Variants in GRIP1 observed in about 807,000 individuals in gnomAD.
The protein encoded by GRIP1 is glutamate receptor-interacting protein 1.
A neutral mutation model predicts 129.9 loss-of-function variants in GRIP1; 45 were observed. The observed-to-expected ratio is 0.35, with a 90% confidence interval of 0.27 to 0.44. GRIP1 has a LOEUF of 0.44. GRIP1 is among the 20% of genes least tolerant of loss of function. The pLI is 1.00. For missense variants in GRIP1, 1,196 were observed against 1,396.8 expected (o/e 0.86, Z 2.29); for synonymous variants, 530 against 520.8 (o/e 1.02, Z -0.24).
At chr12:66,741,440 C>T (rs1315607504) in intron 1 of GRIP1, among the ~76,000 whole-genome samples, 3 of 152,216 alleles carry the variant, frequency 2.0e-5, no homozygotes, top group African/African-American at 7.2e-5. Flanking sequence ...AAAGTAAGAT[C>T]GGCATTCAGA....
chr12:67,006,044 T>C (rs563648849), intron 1 of GRIP1, among the ~76,000 whole-genome samples: 51 of 152,260 alleles, frequency 3.3e-4, no homozygotes, highest in African/African-American at 8.9e-4. Context: ...AAGGTGAGGA[T>C]TGGATTAGGT....
intron 1 of GRIP1, among the ~76,000 whole-genome samples, chr12:66,677,938 C>T (rs981567439): frequency 6.6e-6 from 1 of 152,080 alleles, no homozygotes; most frequent in African/African-American, 2.4e-5. Flanking sequence ...CTCTATATTA[C>T]AGGCTGAAAA....
chr12:66,945,774 G>A (rs4913515), intron 1 of GRIP1, among the ~76,000 whole-genome samples: 37,746 of 152,042 alleles, frequency 0.25, 4,808 homozygotes, highest in East Asian at 0.3. Context: ...AGGTGTCCTC[G>A]TCAACCATGG....
chr12:66,744,826 G>C (rs1176202345), intron 1 of GRIP1, among the ~76,000 whole-genome samples: 1 of 152,070 alleles, frequency 6.6e-6, no homozygotes, highest in Non-Finnish European at 1.5e-5. Context: ...TTTATACACA[G>C]AAATCTTACT....
At chr12:66,903,711 G>A (rs1471663240) in intron 1 of GRIP1, among the ~76,000 whole-genome samples, 1 of 151,990 alleles carries the variant, frequency 6.6e-6, no homozygotes, top group Non-Finnish European at 1.5e-5. Context: ...GACACAGAAG[G>A]GCTTAAATCT....
At chr12:66,639,105 T>C (rs2031686708) in intron 1 of GRIP1, among the ~76,000 whole-genome samples, 1 of 152,206 alleles carries the variant, frequency 6.6e-6, no homozygotes, top group African/African-American at 2.4e-5. Flanking sequence ...TATACATATA[T>C]ACATATGTGT....
chr12:66,966,426 A>G (rs1223508920), intron 1 of GRIP1, among the ~76,000 whole-genome samples: 1 of 152,146 alleles, frequency 6.6e-6, no homozygotes, highest in Non-Finnish European at 1.5e-5. Flanking sequence ...CCCTATTACT[A>G]CACGTTCTAA....
At chr12:66,787,746 G>C (rs1281258918) in intron 1 of GRIP1, among the ~76,000 whole-genome samples, 1 of 152,114 alleles carries the variant, frequency 6.6e-6, no homozygotes, top group East Asian at 1.9e-4. Context: ...CCAGAACTAT[G>C]AGAAATACAT....
intron 14 of GRIP1, among the ~76,000 whole-genome samples, chr12:66,426,171 G>C (rs1311029194): frequency 6.6e-6 from 1 of 151,916 alleles, no homozygotes. Flanking sequence ...CACAGGTATG[G>C]ACCCACCATT....
chr12:66,614,104 T>G (rs1227210486), intron 1 of GRIP1, among the ~76,000 whole-genome samples: 1 of 152,080 alleles, frequency 6.6e-6, no homozygotes, highest in Non-Finnish European at 1.5e-5. Context: ...TTTCTCCTCT[T>G]CCTTTTTCAG....
chr12:66,706,523 C>G (rs1265930571), intron 1 of GRIP1, among the ~76,000 whole-genome samples: 4 of 152,034 alleles, frequency 2.6e-5, no homozygotes, highest in Non-Finnish European at 5.9e-5. Flanking sequence ...TGGGTATATA[C>G]CCAAAGGAAT....
upstream of GRIP1, among the ~76,000 whole-genome samples, chr12:66,808,003 T>C (rs2039029593): frequency 6.6e-6 from 1 of 151,570 alleles, no homozygotes; most frequent in Admixed American, 6.6e-5. Context: ...CTAACTGTTG[T>C]TTAACAATTG....
At chr12:66,679,077 G>C, upstream of GRIP1, 1 of 1,508,742 alleles carries the variant, frequency 6.6e-7, no homozygotes, top group Non-Finnish European at 8.9e-7. Context: ...CATGTCATCT[G>C]GCAAATCTGT....
intron 1 of GRIP1, among the ~76,000 whole-genome samples, chr12:66,781,802 A>T (rs1052805882): frequency 1.3e-5 from 2 of 152,192 alleles, no homozygotes; most frequent in African/African-American, 4.8e-5. Context: ...ACAGATAATC[A>T]GAAACCTTCT....
chr12:66,696,374 C>G (rs767237420), intron 1 of GRIP1, among the ~76,000 whole-genome samples: 8 of 151,908 alleles, frequency 5.3e-5, no homozygotes, highest in Non-Finnish European at 1.2e-4. Flanking sequence ...TTATTAAGGA[C>G]AGTGTAACAA....
intron 5 of GRIP1, among the ~76,000 whole-genome samples, chr12:66,522,367 T>TGCTGCTCTACAGCCACC (rs2061045533): frequency 6.6e-6 from 1 of 152,210 alleles, no homozygotes; most frequent in Non-Finnish European, 1.5e-5. Flanking sequence ...CTACAGCCAC[T>TGCTGCTCTACAGCCACC]GCTGTTCTAC....
chr12:66,551,406 G>A (rs1179083544), intron 2 of GRIP1, among the ~76,000 whole-genome samples: 2 of 152,206 alleles, frequency 1.3e-5, no homozygotes, highest in Non-Finnish European at 2.9e-5. Flanking sequence ...AGAGGTTTAA[G>A]TTCTTCTTTA....
At chr12:66,463,344 A>G (rs1273339031) in intron 8 of GRIP1, among the ~76,000 whole-genome samples, 3 of 151,334 alleles carry the variant, frequency 2.0e-5, no homozygotes, top group Admixed American at 6.6e-5. Flanking sequence ...TAAAAAAAAA[A>G]TCTTATTTTG....
At chr12:66,676,849 C>T (rs1033722220) in intron 1 of GRIP1, among the ~76,000 whole-genome samples, 1 of 152,102 alleles carries the variant, frequency 6.6e-6, no homozygotes, top group Non-Finnish European at 1.5e-5. Context: ...GAAAACAGCA[C>T]CACAAGTATG....
Sources: allele counts gnomAD v4.1 joint callset (sites outside exome capture counted in the v4.1 genomes callset), GRCh38; gene constraint gnomAD v4.1.1; transcripts MANE v1.5; gene names NCBI Gene and HGNC (gene_info 2026-07-23, HGNC 2026-07-21).